Variants in SPATA6L observed in about 807,000 individuals in gnomAD.
SPATA6L encodes the protein spermatogenesis associated 6 like.
A neutral mutation model predicts 49.2 loss-of-function variants in SPATA6L; 68 were observed. That is an observed-to-expected ratio of 1.38 (90% CI 1.14 to 1.69). The LOEUF is 1.69. Among genes scored for constraint, SPATA6L ranks in the 40% most tolerant of loss-of-function variants. The pLI, the probability that SPATA6L is intolerant of heterozygous loss-of-function variation, is 0.00. For synonymous variants in SPATA6L, 198 were observed against 165.7 expected (o/e 1.19, Z -1.50); for missense variants, 668 against 464.3 (o/e 1.44, Z -4.03).
chr9:4,622,212 G>T (rs1829476328), intron 7 of SPATA6L, among the ~76,000 whole-genome samples, 196 bp downstream of exon 7: 1 of 152,212 alleles, frequency 6.6e-6, no homozygotes, highest in Non-Finnish European at 1.5e-5. Context: ...ACGGCGAGGG[G>T]AATGCTCAGA....
At chr9:4,604,079 A>T in intron 11 of SPATA6L, 100 bp downstream of exon 11, 2 of 753,344 alleles carry the variant, frequency 2.7e-6, no homozygotes, top group Non-Finnish European at 2.2e-6. Flanking sequence ...TGTCCTCCAC[A>T]CTTTCTAGTT....
In SPATA6L at chr9:4,662,400, G is replaced by C; in HGVS notation, c.40-364C>G. 3.9e-6 allele frequency: 6 copies of C among 1,535,450 alleles called. No homozygotes were observed. The highest frequency in any genetic ancestry group is 5.2e-6 in the Non-Finnish European group (6 of 1,148,770). Reference sequence around the variant, plus strand: ...GATGCCAAGTCCCCGGAGGAGCATGGAGGGACGGCCGCTGGGCGTCTCCGC... The same window carrying C: ...GATGCCAAGTCCCCGGAGGAGCATGCAGGGACGGCCGCTGGGCGTCTCCGC... On this transcript the variant is annotated intron_variant, in intron 1 of 11. Coordinates refer to ENST00000682582, the MANE Select transcript of SPATA6L (RefSeq NM_001353486.2). The surrounding 1 kb of genome is among the most constrained non-coding windows in gnomAD (Gnocchi z 4.9).
intron 10 of SPATA6L, among the ~76,000 whole-genome samples, chr9:4,604,478 C>T (rs1474421476): frequency 6.6e-6 from 1 of 152,186 alleles, no homozygotes; most frequent in East Asian, 1.9e-4. Context: ...AACCTCCTGG[C>T]CTCAAGGGAT....
Position 4,662,356 on chromosome 9 carries a change from G to A in SPATA6L, c.40-320C>T, listed in dbSNP as rs548807504. On this transcript the variant is annotated intron_variant, in intron 1 of 11. Transcript: ENST00000682582. This position sits in a 1 kb window ranked among gnomAD's most constrained non-coding sequence, Gnocchi z 4.9. ...TCTGTTTGGTCCGGCCAGGTCCCGG[G>A]ATCCGGGCCGCCAGCTGCGATGCCA... 4.4e-4 allele frequency: 648 copies of A among 1,487,672 alleles called. No homozygotes were observed. The highest frequency in any genetic ancestry group is 5.5e-4 in the Non-Finnish European group (621 of 1,126,390). The allele number at this position is 1,487,672 out of a possible 1,614,324, so 92.2% of individuals were successfully genotyped here.
In SPATA6L at chr9:4,649,062, TACACAC is replaced by T. The variant is rs55949521; in HGVS notation, c.226+6973_226+6978del. On this transcript the variant is annotated intron_variant, in intron 3 of 11. Coordinates refer to ENST00000682582, the MANE Select transcript of SPATA6L (RefSeq NM_001353486.2). ...TCATATATAATGGAATATAGAAATA[TACACAC>T]ACACACACACACACACACACACACA... Among the ~76,000 whole-genome samples, 128 of 150,154 alleles carry T rather than the reference TACACAC, an allele frequency of 8.5e-4. 1 individual carries two copies. The highest frequency in any genetic ancestry group is 1.6e-3 in the East Asian group (8 of 5,104).
intron 1 of SPATA6L, chr9:4,664,483 T>A (rs962625844): frequency 1.2e-5 from 2 of 167,060 alleles, no homozygotes; most frequent in Non-Finnish European, 2.9e-5. Context: ...ACATTGACCT[T>A]TACATTTAAA....
intron 9 of SPATA6L, among the ~76,000 whole-genome samples, chr9:4,611,793 TATA>T (rs1350053153): frequency 6.6e-6 from 1 of 150,640 alleles, no homozygotes; most frequent in African/African-American, 2.5e-5. Flanking sequence ...AAACTTAAAG[TATA>T]ATAATAAAAG....
rs183559421 is a variant in SPATA6L, at chr9:4,660,229, T to C, written c.177+1670A>G. Among the ~76,000 whole-genome samples the C allele has an allele frequency of 6.6e-3, 999 of 152,162 alleles. 4 individuals carry two copies. Among genetic ancestry groups the C allele is most frequent in the Non-Finnish European group, 0.012 (804 of 67,984 alleles). Reference sequence around the variant, plus strand: ...TCTGCACAGCAAAAGAAACTACCATTAGAGTGAACAGGCAACCTACAGAAA... The same window carrying C: ...TCTGCACAGCAAAAGAAACTACCATCAGAGTGAACAGGCAACCTACAGAAA... On this transcript the variant is annotated intron_variant, in intron 2 of 11. Coordinates refer to ENST00000682582, the MANE Select transcript of SPATA6L (RefSeq NM_001353486.2).
intron 9 of SPATA6L, among the ~76,000 whole-genome samples, chr9:4,607,792 C>A (rs1825679539): frequency 6.6e-6 from 1 of 151,970 alleles, no homozygotes; most frequent in South Asian, 2.1e-4. Flanking sequence ...TCACACATAA[C>A]AATATTAATT....
downstream of SPATA6L, among the ~76,000 whole-genome samples, chr9:4,596,052 G>A (rs1178056895): frequency 3.9e-5 from 6 of 152,130 alleles, no homozygotes; most frequent in African/African-American, 1.4e-4. Flanking sequence ...AACTGCTTCT[G>A]ACAGTCACAA....
chr9:4,625,088 A>T, intron 6 of SPATA6L: 1 of 569,312 alleles, frequency 1.8e-6, no homozygotes. Flanking sequence ...AATTTTCAAA[A>T]ATTAAAAATA....
chr9:4,651,564 T>C (rs1224489130), intron 3 of SPATA6L, among the ~76,000 whole-genome samples: 1 of 152,138 alleles, frequency 6.6e-6, no homozygotes, highest in African/African-American at 2.4e-5. Flanking sequence ...GACCAATATC[T>C]CTTATGATTG....
intron 9 of SPATA6L, among the ~76,000 whole-genome samples, chr9:4,612,603 T>C (rs907676177): frequency 3.3e-5 from 5 of 152,302 alleles, no homozygotes; most frequent in Middle Eastern, 3.4e-3. Context: ...CTATACCTCA[T>C]TAATACCATT....
chr9:4,647,690 C>T (rs1040662694), intron 3 of SPATA6L, among the ~76,000 whole-genome samples: 2 of 151,612 alleles, frequency 1.3e-5, no homozygotes, highest in African/African-American at 4.9e-5. Context: ...TGTAGAATGA[C>T]AAGAATAAAA....
chr9:4,666,172 C>G lies in SPATA6L; in HGVS notation c.39+40G>C, dbSNP rs1351403553. 3.1e-6 allele frequency: 5 copies of G among 1,609,984 alleles called. No homozygotes were observed. In the African/African-American group the frequency reaches 6.7e-5, roughly 22 times the overall value. On this transcript the variant is annotated intron_variant, in intron 1 of 11. Coordinates refer to ENST00000682582, the MANE Select transcript of SPATA6L (RefSeq NM_001353486.2). ...AAACCACCTGAGACTATTTAGAGTC[C>G]GACTTGAGGTTAAGGAGGGGGAGTT...
intron 3 of SPATA6L, among the ~76,000 whole-genome samples, chr9:4,641,504 A>G (rs1834026772): frequency 6.6e-6 from 1 of 152,210 alleles, no homozygotes; most frequent in Non-Finnish European, 1.5e-5. Flanking sequence ...TACCTAACAT[A>G]ATGTAAATGT....
At chr9:4,591,859 C>T (rs1821921914) in intron 13 of SPATA6L, among the ~76,000 whole-genome samples, 1 of 152,144 alleles carries the variant, frequency 6.6e-6, no homozygotes, top group South Asian at 2.1e-4. Flanking sequence ...AGTCACCTAC[C>T]CTATTCTTGG....
chr9:4,629,158 G>C lies in SPATA6L; in HGVS notation c.362C>G (p.Pro121Arg). The C allele has an allele frequency of 6.2e-7, 1 of 1,600,326 alleles. No homozygotes were observed. Among genetic ancestry groups the C allele is most frequent in the Non-Finnish European group, 8.5e-7 (1 of 1,177,628 alleles). The change falls in exon 5 of 12, where the codon CCC (proline) becomes CGC (arginine). Residue 121 changes from proline to arginine, a missense_variant. Physicochemically the swap from Pro to Arg is moderately radical, Grantham distance 103 (BLOSUM62 -2). Transcript: ENST00000682582. ...TGTCCTTGTAGAAAACTCTATTTTG[G>C]GAGCAATGCCCTATAAAACAGCATA... ...KTALGFPGIA[P>R]KIEFSTRTAI...
chr9:4,607,280 G>C (rs1415367712), intron 9 of SPATA6L, among the ~76,000 whole-genome samples: 1 of 151,974 alleles, frequency 6.6e-6, no homozygotes, highest in Non-Finnish European at 1.5e-5. Context: ...TTCAGATTCA[G>C]GAAATACAGA....
Sources: allele counts gnomAD v4.1 joint callset (sites outside exome capture counted in the v4.1 genomes callset), GRCh38; gene constraint gnomAD v4.1.1; non-coding constraint Gnocchi (gnomAD v3.1); transcripts MANE v1.5; gene names NCBI Gene and HGNC (gene_info 2026-07-23, HGNC 2026-07-21).